The following MYO19 variants were observed in gnomAD, a reference collection of about 807,000 sequenced individuals.
MYO19 encodes myosin XIX.
Under a neutral mutation model 129.2 loss-of-function variants are expected in MYO19, and 132 were observed. That is an observed-to-expected ratio of 1.02 (90% CI 0.89 to 1.18). The LOEUF (loss-of-function observed/expected upper bound fraction) is 1.18, where lower values mean the gene tolerates loss of function less well. Ranked by LOEUF, MYO19 falls within the 50% of genes most tolerant of loss-of-function variation. The pLI, the probability that MYO19 is intolerant of heterozygous loss-of-function variation, is 0.00. For missense variants in MYO19, 1,210 were observed against 1,216.7 expected (o/e 0.99, Z 0.08); for synonymous variants, 531 against 477.2 (o/e 1.11, Z -1.47).
upstream of MYO19, chr17:36,534,977 C>A (rs973314289): frequency 5.2e-5 from 8 of 152,384 alleles, no homozygotes; most frequent in African/African-American, 1.9e-4. Flanking sequence ...TCCCTAGGGG[C>A]GGGGCGAGCA....
intron 3 of MYO19, among the ~76,000 whole-genome samples, chr17:36,530,197 A>G (rs938505316): frequency 6.6e-6 from 1 of 152,206 alleles, no homozygotes; most frequent in African/African-American, 2.4e-5. Flanking sequence ...CTGTAACCCC[A>G]GCTATTCTAG....
At chr17:36,508,459 G>C (rs1009034673) in intron 14 of MYO19, 4 of 153,920 alleles carry the variant, frequency 2.6e-5, no homozygotes, top group African/African-American at 1.0e-4. Context: ...TCTCCCCCCT[G>C]AGATAGGGTC....
intron 5 of MYO19, among the ~76,000 whole-genome samples, chr17:36,526,228 C>T (rs1219725707): frequency 2.0e-5 from 3 of 152,184 alleles, no homozygotes; most frequent in African/African-American, 4.8e-5. Context: ...AGTAATTATT[C>T]GTCTAGTGGG....
chr17:36,506,886 G>A lies in MYO19; in HGVS notation c.1644+77C>T, dbSNP rs546972553. On this transcript the variant is annotated intron_variant, in intron 17 of 25. Transcript: ENST00000614623. ...TCAGGAGAGAAAGGACTCACGATGG[G>A]AAACTACTATGTCTGCATAGCAAAG... 16 of 1,427,038 alleles carry A rather than the reference G, an allele frequency of 1.1e-5. No homozygotes were observed. The South Asian group carries it at 1.5e-4, about 13-fold the overall frequency. 88.4% of individuals were successfully genotyped at this position (1,427,038 alleles called of 1,614,324 possible).
chr17:36,502,962 TTC>T, intron 21 of MYO19, 133 bp downstream of exon 21: 1 of 725,280 alleles, frequency 1.4e-6, no homozygotes, highest in Non-Finnish European at 2.4e-6. Flanking sequence ...TTGAATCTGT[TTC>T]CCCCACTGAA....
chr17:36,538,497 G>A (rs2074174413), upstream of MYO19: 1 of 1,613,942 alleles, frequency 6.2e-7, no homozygotes, highest in Admixed American at 1.7e-5. Context: ...CAACCTGATG[G>A]TAGATACATT....
intron 3 of MYO19, among the ~76,000 whole-genome samples, chr17:36,531,012 A>G (rs1173463259): frequency 2.6e-5 from 4 of 152,076 alleles, no homozygotes; most frequent in African/African-American, 9.7e-5. Flanking sequence ...AGGCAGACGG[A>G]TCACTTGAGG....
chr17:36,543,142 C>T (rs2142636959), exon 1 of MYO19: 1 of 152,160 alleles, frequency 6.6e-6, no homozygotes, highest in South Asian at 2.1e-4. Context: ...ACTCTGCTAA[C>T]ATGGCCAGAA....
chr17:36,506,305 C>T, intron 18 of MYO19, 151 bp downstream of exon 18: 2 of 919,694 alleles, frequency 2.2e-6, no homozygotes, highest in Non-Finnish European at 3.5e-6. Flanking sequence ...GTCTTCCACA[C>T]TGAAGTATAA....
intron 6 of MYO19, among the ~76,000 whole-genome samples, chr17:36,521,464 G>A (rs930619947): frequency 2.0e-5 from 3 of 152,090 alleles, no homozygotes; most frequent in African/African-American, 7.2e-5. Context: ...AAGGAGGATA[G>A]GTGAGAAAAA....
At chr17:36,513,221 G>T (rs1476506101) in intron 11 of MYO19, 6 of 1,447,568 alleles carry the variant, frequency 4.1e-6, no homozygotes, top group Non-Finnish European at 5.4e-6. Flanking sequence ...CACTGTGTAT[G>T]CATCACTCTT....
At chr17:36,518,957 A>G (rs572464957) in intron 6 of MYO19, among the ~76,000 whole-genome samples, 21 of 152,254 alleles carry the variant, frequency 1.4e-4, no homozygotes, top group African/African-American at 4.8e-4. Flanking sequence ...CAAGGAACAT[A>G]GTTTGTATCA....
chr17:36,520,103 T>C (rs749119183), intron 6 of MYO19, among the ~76,000 whole-genome samples: 4 of 152,054 alleles, frequency 2.6e-5, no homozygotes, highest in Non-Finnish European at 4.4e-5. Context: ...AGCTCCCAAG[T>C]AGCTGGGATT....
intron 2 of MYO19, 116 bp from the exon 3 acceptor site, chr17:36,532,797 G>C: frequency 1.7e-6 from 1 of 580,560 alleles, no homozygotes; most frequent in Non-Finnish European, 3.1e-6. Flanking sequence ...GGCAGGCCTG[G>C]GCGGAGAGTG....
intron 6 of MYO19, among the ~76,000 whole-genome samples, chr17:36,523,651 A>G (rs185105380): frequency 1.8e-4 from 28 of 152,270 alleles, no homozygotes; most frequent in African/African-American, 5.8e-4. Flanking sequence ...GCATATACAC[A>G]TGACCATAAC....
At chr17:36,528,938 G>A (rs1481922785) in intron 3 of MYO19, among the ~76,000 whole-genome samples, 1 of 152,130 alleles carries the variant, frequency 6.6e-6, no homozygotes, top group Non-Finnish European at 1.5e-5. Context: ...GCCTTTTTGG[G>A]AAGAGACAGT....
At position 36,528,115 on chromosome 17, in the gene MYO19, G is replaced by A; in HGVS notation, c.100C>T (p.Leu34=). 2 of 1,613,920 alleles carry A rather than the reference G, an allele frequency of 1.2e-6. No individual in the cohort carries two copies. Among genetic ancestry groups the A allele is most frequent in the Non-Finnish European group, 1.7e-6 (2 of 1,179,870 alleles). The change falls in exon 4 of 26, where the codon CTG becomes TTG. Residue 34 remains leucine, a synonymous_variant. Coordinates refer to ENST00000614623, the MANE Select transcript of MYO19 (RefSeq NM_001163735.2). ...CTGGTGAGGTCATCCAGTTTGTACA[G>A]CAGGACCTCCCCACCCAGGAACTCC... ...LQEFLGGEVL[L]YKLDDLTRVN...
intron 6 of MYO19, among the ~76,000 whole-genome samples, chr17:36,522,689 G>A (rs1180495047): frequency 1.3e-5 from 2 of 151,962 alleles, no homozygotes; most frequent in Non-Finnish European, 2.9e-5. Flanking sequence ...GGCCAACTTG[G>A]TGAAACCCCA....
intron 2 of MYO19, 150 bp from the exon 3 acceptor site, chr17:36,532,831 T>C: frequency 1.9e-6 from 1 of 530,474 alleles, no homozygotes; most frequent in Non-Finnish European, 3.3e-6. Context: ...CCTTGCCAAT[T>C]AGGAGACAGG....
Sources: allele counts gnomAD v4.1 joint callset (sites outside exome capture counted in the v4.1 genomes callset), GRCh38; gene constraint gnomAD v4.1.1; transcripts MANE v1.5; gene names NCBI Gene and HGNC (gene_info 2026-07-23, HGNC 2026-07-21).